The following ATAD2B variants were observed in gnomAD, a reference collection of about 807,000 sequenced individuals.
The protein encoded by ATAD2B is ATPase family AAA domain containing 2B.
Under a neutral mutation model 167.6 loss-of-function variants are expected in ATAD2B, and 40 were observed. That is an observed-to-expected ratio of 0.24 (90% CI 0.19 to 0.31). The LOEUF (loss-of-function observed/expected upper bound fraction) is 0.31, where lower values mean the gene tolerates loss of function less well. ATAD2B is among the 10% of genes least tolerant of loss of function. ATAD2B has a pLI of 1.00. For synonymous variants in ATAD2B, 579 were observed against 596.5 expected, an observed-to-expected ratio of 0.97 and a Z score of 0.43; for missense variants, 1,242 against 1,757.2, an observed-to-expected ratio of 0.71 and a Z score of 5.24.
chr2:23,767,816 T>G (rs189215477), intron 22 of ATAD2B, among the ~76,000 whole-genome samples: 1 of 151,394 alleles, frequency 6.6e-6, no homozygotes, highest in African/African-American at 2.4e-5. Flanking sequence ...GAGGGTAACA[T>G]AAATATCAAA....
chr2:23,679,602 A>G, the ATAD2B span, among the ~76,000 whole-genome samples: 2 of 152,252 alleles, frequency 1.3e-5, no homozygotes, highest in Admixed American at 6.5e-5. Flanking sequence ...TTTGCCATCC[A>G]TCACACCAGA....
chr2:23,879,107 T>C (rs1333649375), intron 7 of ATAD2B, among the ~76,000 whole-genome samples: 1 of 152,106 alleles, frequency 6.6e-6, no homozygotes. Context: ...TTCTTATATC[T>C]CATCATAAAA....
the ATAD2B span, among the ~76,000 whole-genome samples, chr2:23,725,517 A>G: frequency 6.6e-6 from 1 of 152,252 alleles, no homozygotes; most frequent in African/African-American, 2.4e-5. Flanking sequence ...CAAATATAAC[A>G]TATGGCTGGA....
chr2:23,876,800 G>C (rs1330740915), intron 7 of ATAD2B, among the ~76,000 whole-genome samples: 2 of 151,968 alleles, frequency 1.3e-5, no homozygotes, highest in Non-Finnish European at 2.9e-5. Context: ...GGGTGCAATG[G>C]CTCACACCTG....
chr2:23,870,285 C>CTTTTTTTT lies in ATAD2B; in HGVS notation c.978-532_978-525dup, dbSNP rs5829912. Among the ~76,000 whole-genome samples, 364 of 105,608 alleles carry CTTTTTTTT rather than the reference C, an allele frequency of 3.4e-3. 5 individuals carry two copies. The highest frequency in any genetic ancestry group is 5.0e-3 in the African/African-American group (139 of 28,024). The allele number at this position is 105,608 out of a possible 152,430, so 69.3% of individuals were successfully genotyped here. Reference sequence around the variant, plus strand: ...ATTCAGGAAGGGAGTCAGTAACCAACTTTTTTTTTTTTTTTTTTTGAGACA... The same window carrying CTTTTTTTT: ...ATTCAGGAAGGGAGTCAGTAACCAACTTTTTTTTTTTTTTTTTTTTTTTTTTTGAGACA... On this transcript the variant is annotated intron_variant, in intron 8 of 27. Coordinates refer to ENST00000238789, the MANE Select transcript of ATAD2B (RefSeq NM_017552.4).
chr2:23,926,967 G>A lies in ATAD2B; in HGVS notation c.-197C>T, dbSNP rs570653044. 2.1e-5 allele frequency: 13 copies of A among 617,930 alleles called. No homozygotes were observed. The highest frequency in any genetic ancestry group is 9.8e-5 in the South Asian group (4 of 40,892). The allele number at this position is 617,930 out of a possible 1,614,324, so 38.3% of individuals were successfully genotyped here. A position where few individuals can be genotyped will look rare whatever the true frequency, so the allele number is the denominator to read the frequency against. ...GTCGGCGTGAGCAGGCGGCGTGCGG[G>A]AAGCGGGGGCGGTGCTGCAGACCGG... On this transcript the variant is annotated 5_prime_UTR_variant, in exon 1 of 28. Transcript: ENST00000238789.
chr2:23,731,307 CAAAG>C, the ATAD2B span, among the ~76,000 whole-genome samples: 3 of 152,046 alleles, frequency 2.0e-5, no homozygotes, highest in Admixed American at 6.6e-5. Context: ...AGATAATAGA[CAAAG>C]AAATATTTCT....
chr2:23,718,340 G>A, the ATAD2B span, among the ~76,000 whole-genome samples: 1 of 152,200 alleles, frequency 6.6e-6, no homozygotes, highest in African/African-American at 2.4e-5. Context: ...CACAGCAACA[G>A]TGGCCATGAT....
At chr2:23,805,257 C>T in intron 18 of ATAD2B, among the ~76,000 whole-genome samples, 1 of 151,952 alleles carries the variant, frequency 6.6e-6, no homozygotes, top group East Asian at 1.9e-4. Context: ...ATTTTCTAAA[C>T]AGTATAGCAT....
chr2:23,725,899 A>G, the ATAD2B span, among the ~76,000 whole-genome samples: 1 of 152,224 alleles, frequency 6.6e-6, no homozygotes, highest in Non-Finnish European at 1.5e-5. Flanking sequence ...GAGAAATTAG[A>G]ACCTTGTGCA....
intron 1 of ATAD2B, among the ~76,000 whole-genome samples, chr2:23,918,295 C>A (rs1703369964): frequency 6.6e-6 from 1 of 151,372 alleles, no homozygotes; most frequent in South Asian, 2.1e-4. Context: ...CCACTGAACT[C>A]AGGAGGTCAA....
intron 19 of ATAD2B, among the ~76,000 whole-genome samples, chr2:23,796,587 T>C (rs1572789738): frequency 6.6e-6 from 1 of 152,330 alleles, no homozygotes; most frequent in African/African-American, 2.4e-5. Flanking sequence ...TATTCCCAAC[T>C]AGAACCCTCA....
rs1680426068 is a variant in ATAD2B at position 23,783,940 on chromosome 2, GCA to G, written c.2974-914_2974-913del. The stretch of plus-strand genomic sequence containing the variant: ...TAAATTTACACATTCACACACACAC[GCA>G]CATATATGTAATTTATATGTTTTTT... On this transcript the variant is annotated intron_variant, in intron 21 of 27. Transcript: ENST00000238789. 2.0e-5 allele frequency among the ~76,000 whole-genome samples: 3 copies of G among 151,950 alleles called. No homozygotes were observed. In the South Asian group the frequency reaches 6.2e-4, roughly 32 times the overall value.
intron 22 of ATAD2B, 62 bp downstream of exon 22, chr2:23,782,806 AT>A: frequency 7.1e-7 from 1 of 1,403,696 alleles, no homozygotes. Flanking sequence ...ATGACTTAGT[AT>A]TTAAACGGTA....
At chr2:23,887,719 T>G (rs1698902089) in intron 4 of ATAD2B, 113 bp downstream of exon 4, 3 of 972,218 alleles carry the variant, frequency 3.1e-6, no homozygotes, top group South Asian at 4.5e-5. Flanking sequence ...TCAAGTTAAG[T>G]TTTTAAAGAA....
At chr2:23,903,620 G>C (rs1161029553) in intron 1 of ATAD2B, among the ~76,000 whole-genome samples, 1 of 152,174 alleles carries the variant, frequency 6.6e-6, no homozygotes, top group Non-Finnish European at 1.5e-5. Flanking sequence ...AGAATAACTA[G>C]AAATGAATAG....
At chr2:23,695,283 C>T in the ATAD2B span, among the ~76,000 whole-genome samples, 1 of 152,176 alleles carries the variant, frequency 6.6e-6, no homozygotes, top group Non-Finnish European at 1.5e-5. The surrounding 1 kb of genome is among the most constrained non-coding windows in gnomAD (Gnocchi z 7.6). Context: ...TAACCCCTCG[C>T]CCCTGCCCCC....
chr2:23,711,676 C>T, the ATAD2B span, among the ~76,000 whole-genome samples: 1 of 151,972 alleles, frequency 6.6e-6, no homozygotes, highest in African/African-American at 2.4e-5. Flanking sequence ...TGGCCCTTTC[C>T]CCAGAATTTC....
At chr2:23,758,569 C>T (rs1676230246) in intron 24 of ATAD2B, among the ~76,000 whole-genome samples, 1 of 152,148 alleles carries the variant, frequency 6.6e-6, no homozygotes, top group African/African-American at 2.4e-5. Context: ...TTCAATATAG[C>T]ATAACAGAAC....
Sources: gnomAD v4.1 joint callset for allele counts (sites outside exome capture counted in the v4.1 genomes callset) on GRCh38, gnomAD v4.1.1 for gene constraint, Gnocchi (gnomAD v3.1) non-coding constraint, MANE v1.5 for transcripts, NCBI Gene and HGNC (gene_info 2026-07-23, HGNC 2026-07-21) for gene names.